The following BMPR2 variants were observed in gnomAD, a reference collection of about 807,000 sequenced individuals.
The protein encoded by BMPR2 is bone morphogenetic protein receptor type-2.
A neutral mutation model predicts 100.8 loss-of-function variants in BMPR2; 29 were observed. The observed-to-expected ratio is 0.29, with a 90% CI of 0.21 to 0.39. The LOEUF is 0.39. Among genes scored for constraint, BMPR2 ranks in the 10% least tolerant of loss-of-function variants. BMPR2 has a pLI of 1.00. For synonymous variants in BMPR2, 382 were observed against 442.3 expected (o/e 0.86, Z 1.71); for missense variants, 1,011 against 1,274.5 (o/e 0.79, Z 3.15).
intron 1 of BMPR2, among the ~76,000 whole-genome samples, chr2:202,455,482 G>A (rs1321795117): frequency 2.0e-5 from 3 of 152,162 alleles, no homozygotes; most frequent in Non-Finnish European, 4.4e-5. Flanking sequence ...ATATTGGATG[G>A]TGCTGATATA....
intron 3 of BMPR2, among the ~76,000 whole-genome samples, chr2:202,492,848 T>G (rs1315255171): frequency 6.6e-6 from 1 of 151,642 alleles, no homozygotes; most frequent in Non-Finnish European, 1.5e-5. Context: ...TCTCCAAATA[T>G]CTATCTTGTT....
chr2:202,519,697 C>G (rs185582229), intron 6 of BMPR2, among the ~76,000 whole-genome samples: 35 of 152,216 alleles, frequency 2.3e-4, no homozygotes, highest in Non-Finnish European at 4.0e-4. Context: ...TTGAGTGGCA[C>G]CAATACATAA....
rs544208173 is a variant in BMPR2, at chr2:202,413,430, C to G, written c.76+35880C>G. On this transcript the variant is annotated intron_variant, in intron 1 of 12. Coordinates refer to ENST00000374580, the MANE Select transcript of BMPR2 (RefSeq NM_001204.7). ...CAAAATATATTAAAGTGACTTTAAA[C>G]AATCACACGCACACAAAACAACATT... Among the ~76,000 whole-genome samples the G allele has an allele frequency of 9.1e-4, 138 of 152,250 alleles. 1 individual carries two copies. Among genetic ancestry groups the G allele is most frequent in the African/African-American group, 3.1e-3 (130 of 41,544 alleles).
intron 12 of BMPR2, among the ~76,000 whole-genome samples, chr2:202,558,224 T>C (rs926525054): frequency 6.6e-6 from 1 of 152,154 alleles, no homozygotes; most frequent in Non-Finnish European, 1.5e-5. Context: ...GTGATTCTCC[T>C]GCCTCAGCCT....
chr2:202,411,953 T>A (rs768612115), intron 1 of BMPR2, among the ~76,000 whole-genome samples: 9 of 152,144 alleles, frequency 5.9e-5, no homozygotes, highest in Non-Finnish European at 1.3e-4. Flanking sequence ...CAAAAGGACA[T>A]TAGTGGGAAA....
chr2:202,456,493 T>C (rs2105952246), intron 1 of BMPR2, among the ~76,000 whole-genome samples: 1 of 151,456 alleles, frequency 6.6e-6, no homozygotes, highest in African/African-American at 2.4e-5. Flanking sequence ...GTTCTATTTA[T>C]GTAGCACTTT....
intron 1 of BMPR2, among the ~76,000 whole-genome samples, chr2:202,417,899 T>A (rs1412273325): frequency 6.6e-6 from 1 of 151,710 alleles, no homozygotes; most frequent in Non-Finnish European, 1.5e-5. Context: ...TTTGTTTTTT[T>A]AGTAGAGATA....
rs16839188 is a variant in BMPR2 at position 202,556,413 on chromosome 2, T to C, written c.2748T>C (p.Leu916=). ...NSNPCSEQDV[L]AQGVPSTAAD... Reference sequence around the variant, plus strand: ...ATCCATGTTCAGAACAAGATGTTCTTGCACAGGGTGTTCCAAGCACAGCAG... The same window carrying C: ...ATCCATGTTCAGAACAAGATGTTCTCGCACAGGGTGTTCCAAGCACAGCAG... Residue 916 remains leucine, a synonymous_variant, in exon 12 of 13, where the codon CTT becomes CTC. Transcript: ENST00000374580. 1,067 of 1,614,132 alleles carry C rather than the reference T, an allele frequency of 6.6e-4. 14 individuals carry two copies. The African/African-American group carries it at 0.013, about 20-fold the overall frequency.
rs1690149161 is a variant in BMPR2, at chr2:202,376,549, GCA to G, written c.-925_-924del. ...GGCGGCGGCGGCGGCGGCGGCGGCA[GCA>G]GCAGCGGCTTCCTCGGGGGGTTGTG... On this transcript the variant is annotated 5_prime_UTR_variant, in exon 1 of 13. Transcript: ENST00000374580. Among the ~76,000 whole-genome samples, 1 of 141,114 alleles carries G rather than the reference GCA, an allele frequency of 7.1e-6. No individual in the cohort carries two copies. Among genetic ancestry groups the G allele is most frequent in the African/African-American group, 2.6e-5 (1 of 37,868 alleles). The allele number at this position is 141,114 out of a possible 152,430, so 92.6% of individuals were successfully genotyped here.
intron 1 of BMPR2, among the ~76,000 whole-genome samples, chr2:202,454,791 G>T (rs1692058577): frequency 6.6e-6 from 1 of 152,152 alleles, no homozygotes; most frequent in Non-Finnish European, 1.5e-5. Flanking sequence ...AGAGACACGT[G>T]GTTATATTAG....
chr2:202,534,987 A>AC (rs1466594699), intron 9 of BMPR2, among the ~76,000 whole-genome samples: 2 of 66,070 alleles, frequency 3.0e-5, no homozygotes, highest in African/African-American at 6.0e-5. Flanking sequence ...CGGGTGGCTG[A>AC]CCCCCTGCCA....
chr2:202,519,540 T>G (rs1687784026), intron 6 of BMPR2, among the ~76,000 whole-genome samples: 1 of 152,156 alleles, frequency 6.6e-6, no homozygotes, highest in Non-Finnish European at 1.5e-5. Context: ...TGTTTCGCTG[T>G]CTCCTCCTTC....
At chr2:202,400,922 ACT>A in intron 1 of BMPR2, among the ~76,000 whole-genome samples, 2 of 152,230 alleles carry the variant, frequency 1.3e-5, no homozygotes, top group South Asian at 4.2e-4. Context: ...TGAATTCCGA[ACT>A]CTCCTAAATT....
rs750470872 is a variant in BMPR2 at position 202,456,063 on chromosome 2, C to CA, written c.77-8707dup. On this transcript the variant is annotated intron_variant, in intron 1 of 12. Coordinates refer to ENST00000374580, the MANE Select transcript of BMPR2 (RefSeq NM_001204.7). ...CTGGGCAACAGGGTGAGACCCGTCT[C>CA]AAAAAAAAAAAAAAAAAAAAAAAAA... 1.9e-3 allele frequency among the ~76,000 whole-genome samples: 70 copies of CA among 36,762 alleles called. 22 individuals are homozygous for CA. Among genetic ancestry groups the CA allele is most frequent in the East Asian group, 8.3e-3 (6 of 720 alleles). 24.1% of individuals were successfully genotyped at this position (36,762 alleles called of 152,430 possible). A position where few individuals can be genotyped will look rare whatever the true frequency, so the allele number is the denominator to read the frequency against.
Position 202,514,902 on chromosome 2 carries a change from G to A in BMPR2, c.544G>A (p.Gly182Ser), listed in dbSNP as rs1687686123. The A allele has an allele frequency of 6.2e-7, 1 of 1,613,890 alleles. No homozygotes were observed. The highest frequency in any genetic ancestry group is 2.2e-5 in the East Asian group (1 of 44,860). Residue 182 changes from glycine to serine, a missense_variant, in exon 5 of 13, where the codon GGT becomes AGT. Around this residue, in one of 6 missense-constraint regions of BMPR2, gnomAD observed 355 missense variants for 455.3 expected, o/e 0.78. Transcript: ENST00000374580. ...TGTTCTTATAGGAGACCGTAAACAA[G>A]GTCTTCACAGTATGAACATGATGGA... Reference protein sequence around the residue: ...YRMLTGDRKQGLHSMNMMEAA... With the variant: ...YRMLTGDRKQSLHSMNMMEAA...
In BMPR2 at chr2:202,377,015, G is replaced by A; in HGVS notation, c.-460G>A. On this transcript the variant is annotated 5_prime_UTR_variant, in exon 1 of 13. Coordinates refer to ENST00000374580, the MANE Select transcript of BMPR2 (RefSeq NM_001204.7). ...GCGACTAGGGCTGCCGGGCGCCGCC[G>A]CCGCCCGTCCGGCTTCGTCCTTCCC... 1 of 458,744 alleles carries A rather than the reference G, an allele frequency of 2.2e-6. No homozygotes were observed. The highest frequency in any genetic ancestry group is 3.8e-6 in the Non-Finnish European group (1 of 262,254). The allele number at this position is 458,744 out of a possible 1,614,324, so 28.4% of individuals were successfully genotyped here. A position where few individuals can be genotyped will look rare whatever the true frequency, so the allele number is the denominator to read the frequency against.
chr2:202,517,976 CTTT>C (rs67110605), intron 5 of BMPR2, among the ~76,000 whole-genome samples: 3 of 88,442 alleles, frequency 3.4e-5, no homozygotes, highest in African/African-American at 1.4e-4. Context: ...CCACGCCTGA[CTTT>C]TTTTTTTTTT....
In BMPR2 at chr2:202,559,777, G is replaced by A. The variant is rs148099152; in HGVS notation, c.2948G>A (p.Arg983Gln). The change falls in exon 13 of 13, where the codon CGG becomes CAG. Residue 983 changes from arginine to glutamine, a missense_variant. Coordinates refer to ENST00000374580, the MANE Select transcript of BMPR2 (RefSeq NM_001204.7). ...GTGAAAACTCCCTATTCTCTTAAGC[G>A]GTGGCGCCCCTCCACCTGGGTCATC... is the stretch of plus-strand genomic sequence containing the variant. ...KRVKTPYSLK[R>Q]WRPSTWVIST... The A allele has an allele frequency of 2.0e-4, 326 of 1,614,112 alleles. No individual in the cohort carries two copies. Among genetic ancestry groups the A allele is most frequent in the Middle Eastern group, 4.9e-4 (3 of 6,062 alleles).
rs188600208 is a variant in BMPR2, at chr2:202,446,645, C to T, written c.77-18164C>T. ...GACCCTTTTTGTGCCCATGTGCACA[C>T]ACTCACATACATTTTTTTTTTTTTG... On this transcript the variant is annotated intron_variant, in intron 1 of 12. Transcript: ENST00000374580. Among the ~76,000 whole-genome samples, 471 of 147,974 alleles carry T rather than the reference C, an allele frequency of 3.2e-3. 47 individuals are homozygous for T. The highest frequency in any genetic ancestry group is 0.012 in the African/African-American group (456 of 38,476).
Sources: gnomAD v4.1 joint callset for allele counts (sites outside exome capture counted in the v4.1 genomes callset) on GRCh38, gnomAD v4.1.1 for gene constraint, gnomAD v4.1.1 regional missense constraint, MANE v1.5 for transcripts, NCBI Gene and HGNC (gene_info 2026-07-23, HGNC 2026-07-21) for gene names.